KDM4C: variants seen among roughly 807,000 people sequenced by gnomAD.
KDM4C encodes the protein lysine-specific demethylase 4C.
KDM4C carries 81 observed loss-of-function variants against 129.3 expected under a neutral mutation model. The ratio of observed to expected loss-of-function variants is 0.63; its 90% CI spans 0.52 to 0.75. The LOEUF (loss-of-function observed/expected upper bound fraction) is 0.75. Ranked by LOEUF, KDM4C falls within the 30% of genes least tolerant of loss-of-function variation. The pLI, the probability that KDM4C is intolerant of heterozygous loss-of-function variation, is 0.00. For synonymous variants in KDM4C, 573 were observed against 456.1 expected, an observed-to-expected ratio of 1.26 and a Z score of -3.26; for missense variants, 1,457 against 1,304.0, an observed-to-expected ratio of 1.12 and a Z score of -1.81.
intron 21 of KDM4C, chr9:7,170,673 T>C (rs146512344): frequency 2.1e-6 from 2 of 972,996 alleles, no homozygotes; most frequent in African/African-American, 3.5e-5. Flanking sequence ...ATAGAGAAAT[T>C]TGAATGGATG....
At chr9:6,748,096 G>C (rs1005474546) in intron 1 of KDM4C, among the ~76,000 whole-genome samples, 1 of 151,898 alleles carries the variant, frequency 6.6e-6, no homozygotes, top group Non-Finnish European at 1.5e-5. Flanking sequence ...AATCCGGGAG[G>C]CAGAGGTTGC....
At chr9:6,858,204 T>A (rs1588736909) in intron 5 of KDM4C, among the ~76,000 whole-genome samples, 2 of 152,242 alleles carry the variant, frequency 1.3e-5, no homozygotes, top group Non-Finnish European at 2.9e-5. Flanking sequence ...ATTGTGAGAA[T>A]CCCTTTTCTA....
At chr9:6,937,871 C>G (rs1053945551) in intron 8 of KDM4C, among the ~76,000 whole-genome samples, 3 of 152,004 alleles carry the variant, frequency 2.0e-5, no homozygotes, top group African/African-American at 7.3e-5. Context: ...GCCACTGTGG[C>G]CAGCTAATTT....
rs556602557 is a variant in KDM4C at position 6,905,747 on chromosome 9, A to G, written c.921+12515A>G. Among the ~76,000 whole-genome samples the G allele has an allele frequency of 2.0e-5, 3 of 152,294 alleles. No homozygotes were observed. The South Asian group carries it at 6.2e-4, about 32-fold the overall frequency. ...TTTTTGATCCAGTTACTATACAGAC[A>G]TGTTTGCTGGTGTTATTGAGATGGA... On this transcript the variant is annotated intron_variant, in intron 8 of 21. Coordinates refer to ENST00000381309, the MANE Select transcript of KDM4C (RefSeq NM_015061.6).
At chr9:6,754,460 G>A (rs563596493), upstream of KDM4C, among the ~76,000 whole-genome samples, 322 of 152,206 alleles carry the variant, frequency 2.1e-3, no homozygotes, top group Non-Finnish European at 4.0e-3. Flanking sequence ...TGATATGCCC[G>A]CCTTGGCCTC....
chr9:6,784,631 TC>T (rs1285076839), intron 1 of KDM4C, among the ~76,000 whole-genome samples: 1 of 152,232 alleles, frequency 6.6e-6, no homozygotes. Flanking sequence ...AGTCTGCTCT[TC>T]CATTCCTACC....
intron 1 of KDM4C, among the ~76,000 whole-genome samples, chr9:6,764,401 C>G (rs1171681319): frequency 1.3e-5 from 2 of 152,170 alleles, no homozygotes; most frequent in East Asian, 1.9e-4. Flanking sequence ...AAAGATTTCC[C>G]TTGCACAGTT....
In KDM4C at chr9:7,161,101, G is replaced by T. The variant is rs1402055758; in HGVS notation, c.2782-4137G>T. On this transcript the variant is annotated intron_variant, in intron 19 of 21. Coordinates refer to ENST00000381309, the MANE Select transcript of KDM4C (RefSeq NM_015061.6). ...TCAGTCTCAGACTGCTGCGCTAGCAGTGAGCAAGGCTCCATGGCCACGGGA... is the reference window on the plus strand; with the variant it reads ...TCAGTCTCAGACTGCTGCGCTAGCATTGAGCAAGGCTCCATGGCCACGGGA... Among the ~76,000 whole-genome samples the T allele has an allele frequency of 2.6e-5, 4 of 152,216 alleles. 1 individual carries two copies. Among genetic ancestry groups the T allele is most frequent in the Admixed American group, 2.6e-4 (4 of 15,290 alleles).
At chr9:7,154,301 G>A (rs1360318483) in intron 19 of KDM4C, among the ~76,000 whole-genome samples, 2 of 152,206 alleles carry the variant, frequency 1.3e-5, no homozygotes, top group Admixed American at 6.5e-5. Flanking sequence ...TTGGCATTTC[G>A]CCCCAGGTCA....
intron 12 of KDM4C, among the ~76,000 whole-genome samples, chr9:6,996,904 G>A (rs185800932): frequency 3.2e-4 from 48 of 152,270 alleles, no homozygotes; most frequent in African/African-American, 1.1e-3. Context: ...ATATGATGGA[G>A]TGGGTTATCT....
intron 17 of KDM4C, among the ~76,000 whole-genome samples, chr9:7,093,132 GTGT>G (rs968645876): frequency 7.9e-5 from 12 of 152,054 alleles, no homozygotes; most frequent in African/African-American, 2.4e-4. Context: ...AGATGGGGTG[GTGT>G]TACTTCCATG....
intron 15 of KDM4C, among the ~76,000 whole-genome samples, chr9:7,027,925 G>T (rs1213276901): frequency 6.6e-6 from 1 of 152,104 alleles, no homozygotes; most frequent in African/African-American, 2.4e-5. Flanking sequence ...TTCAGTTAAG[G>T]CCCTAGGGCT....
chr9:7,058,674 A>G (rs975658005), intron 17 of KDM4C, among the ~76,000 whole-genome samples: 5 of 152,234 alleles, frequency 3.3e-5, no homozygotes, highest in Non-Finnish European at 7.3e-5. Context: ...GGTCCTTGAA[A>G]TTTAAAATGG....
chr9:6,724,577 C>T (rs147787978), intron 1 of KDM4C, among the ~76,000 whole-genome samples: 1 of 152,124 alleles, frequency 6.6e-6, no homozygotes, highest in Non-Finnish European at 1.5e-5. Context: ...GTCGCCCAGG[C>T]TGGAGTGCAG....
At chr9:6,839,420 G>A (rs1029559076) in intron 4 of KDM4C, among the ~76,000 whole-genome samples, 9 of 119,996 alleles carry the variant, frequency 7.5e-5, no homozygotes, top group African/African-American at 2.9e-4. Context: ...TTTTTTTTCT[G>A]GTAGAGATAG....
At chr9:7,096,601 T>C (rs1398987514) in intron 17 of KDM4C, among the ~76,000 whole-genome samples, 1 of 152,196 alleles carries the variant, frequency 6.6e-6, no homozygotes, top group Non-Finnish European at 1.5e-5. Context: ...CCTGGGAGAC[T>C]AGAGGAGTAT....
At chr9:6,878,036 G>A (rs1000687969) in intron 5 of KDM4C, among the ~76,000 whole-genome samples, 1 of 152,194 alleles carries the variant, frequency 6.6e-6, no homozygotes, top group African/African-American at 2.4e-5. Flanking sequence ...GATAAGCATG[G>A]AGATGAGTGG....
chr9:6,792,199 C>T (rs1231553338), intron 1 of KDM4C, among the ~76,000 whole-genome samples: 1 of 151,482 alleles, frequency 6.6e-6, no homozygotes, highest in Non-Finnish European at 1.5e-5. Flanking sequence ...AAAAGGTAGC[C>T]CGGCATGGTG....
At chr9:7,130,710 A>G (rs1353299862) in intron 19 of KDM4C, among the ~76,000 whole-genome samples, 1 of 152,154 alleles carries the variant, frequency 6.6e-6, no homozygotes, top group Non-Finnish European at 1.5e-5. Flanking sequence ...ATTCACATAG[A>G]TTGGAAAGGA....
Sources: allele counts gnomAD v4.1 joint callset (sites outside exome capture counted in the v4.1 genomes callset), GRCh38; gene constraint gnomAD v4.1.1; transcripts MANE v1.5; gene names NCBI Gene and HGNC (gene_info 2026-07-23, HGNC 2026-07-21).